Variants in PIP5K1B observed in about 807,000 individuals in gnomAD.
The protein encoded by PIP5K1B is phosphatidylinositol 4-phosphate 5-kinase type-1 beta.
PIP5K1B carries 42 observed loss-of-function variants against 67.0 expected under a neutral mutation model. The ratio of observed to expected loss-of-function variants is 0.63; its 90% confidence interval spans 0.49 to 0.81. The LOEUF is 0.81. Among genes scored for constraint, PIP5K1B ranks in the 30% least tolerant of loss-of-function variants. PIP5K1B has a pLI of 0.00. For synonymous variants in PIP5K1B, 214 were observed against 231.4 expected (o/e 0.92, Z 0.68); for missense variants, 459 against 646.3 (o/e 0.71, Z 3.14).
chr9:68,843,488 G>A (rs1822025285), intron 4 of PIP5K1B, among the ~76,000 whole-genome samples: 1 of 152,200 alleles, frequency 6.6e-6, no homozygotes, highest in Non-Finnish European at 1.5e-5. Flanking sequence ...ATGGGATACA[G>A]ACACAAGTAT....
In PIP5K1B at chr9:68,754,175, C is replaced by CTTTTTTTTTTTTTTTTTTTTTT. The variant is rs71353081; in HGVS notation, c.-86+11530_-86+11531insTTTTTTTTTTTTTTTTTTTTTT. Among the ~76,000 whole-genome samples, 90 of 101,062 alleles carry CTTTTTTTTTTTTTTTTTTTTTT rather than the reference C, an allele frequency of 8.9e-4. 13 individuals carry two copies. The highest frequency in any genetic ancestry group is 1.1e-3 in the Non-Finnish European group (57 of 53,102). The allele number at this position is 101,062 out of a possible 152,430, so 66.3% of individuals were successfully genotyped here. A position where few individuals can be genotyped will look rare whatever the true frequency, so the allele number is the denominator to read the frequency against. On this transcript the variant is annotated intron_variant, in intron 2 of 15. Coordinates refer to ENST00000265382, the MANE Select transcript of PIP5K1B (RefSeq NM_003558.4). ...AGTCTTCTTTTATGTTCCATGATTT[C>CTTTTTTTTTTTTTTTTTTTTTT]TTTTTTTTTTTTGAGACAGAGTCTC...
intron 8 of PIP5K1B, among the ~76,000 whole-genome samples, chr9:68,909,565 T>A (rs1051156597): frequency 6.6e-6 from 1 of 152,250 alleles, no homozygotes; most frequent in African/African-American, 2.4e-5. Flanking sequence ...AAGTTCCTTG[T>A]CACTCTGATT....
chr9:68,718,789 G>A (rs952645898), intron 1 of PIP5K1B, among the ~76,000 whole-genome samples: 1 of 152,088 alleles, frequency 6.6e-6, no homozygotes, highest in Non-Finnish European at 1.5e-5. Context: ...TAAACCAAAT[G>A]GCCCTACTTT....
chr9:68,995,169 AAAG>A (rs1564303117), intron 15 of PIP5K1B, among the ~76,000 whole-genome samples: 1 of 150,470 alleles, frequency 6.6e-6, no homozygotes. Flanking sequence ...AAAAGAAAGA[AAAG>A]AAGGAAAGGA....
At chr9:68,884,818 G>A (rs948449551) in intron 6 of PIP5K1B, among the ~76,000 whole-genome samples, 2 of 152,198 alleles carry the variant, frequency 1.3e-5, no homozygotes, top group Non-Finnish European at 2.9e-5. Context: ...CAAGTGTTTG[G>A]TGAGGATGTG....
intron 7 of PIP5K1B, among the ~76,000 whole-genome samples, chr9:68,892,026 C>T (rs1190926149): frequency 6.6e-6 from 1 of 152,032 alleles, no homozygotes; most frequent in Non-Finnish European, 1.5e-5. Context: ...ATACTTGAAT[C>T]TATAAAAACA....
At chr9:68,888,935 C>T (rs1364586572) in intron 6 of PIP5K1B, 46 bp from the exon 7 acceptor site, 11 of 1,356,566 alleles carry the variant, frequency 8.1e-6, no homozygotes, top group African/African-American at 1.4e-5. Context: ...GGAGGCATCA[C>T]GTACATCAAG....
At chr9:68,806,468 T>C (rs967916649) in intron 2 of PIP5K1B, among the ~76,000 whole-genome samples, 3 of 152,230 alleles carry the variant, frequency 2.0e-5, no homozygotes, top group Non-Finnish European at 4.4e-5. Flanking sequence ...CTTCCCATTT[T>C]ATCTCGCCTT....
chr9:68,987,184 G>A (rs891070148), intron 14 of PIP5K1B, among the ~76,000 whole-genome samples: 5 of 151,790 alleles, frequency 3.3e-5, no homozygotes, highest in East Asian at 1.9e-4. Flanking sequence ...CCCAGGAGGC[G>A]GAGGTTGCAG....
At chr9:68,912,516 G>T (rs1472386338) in intron 8 of PIP5K1B, among the ~76,000 whole-genome samples, 1 of 152,220 alleles carries the variant, frequency 6.6e-6, no homozygotes, top group Non-Finnish European at 1.5e-5. Context: ...ATGAATAGCT[G>T]ACATTAATTG....
chr9:68,858,836 G>T (rs1822912719), intron 4 of PIP5K1B, among the ~76,000 whole-genome samples: 2 of 152,330 alleles, frequency 1.3e-5, no homozygotes, highest in East Asian at 1.9e-4. Context: ...CATATTAAGT[G>T]ACCTAATTTT....
chr9:68,706,702 C>G (rs762006796), intron 1 of PIP5K1B, among the ~76,000 whole-genome samples: 5 of 152,166 alleles, frequency 3.3e-5, no homozygotes, highest in Non-Finnish European at 5.9e-5. Flanking sequence ...GAGGCCCTAG[C>G]TTTAAGGGGA....
chr9:68,820,138 G>A (rs1255357869), intron 3 of PIP5K1B, among the ~76,000 whole-genome samples: 1 of 152,082 alleles, frequency 6.6e-6, no homozygotes, highest in Non-Finnish European at 1.5e-5. Context: ...TCTTAAAAGT[G>A]AAATTACTGG....
At chr9:68,960,082 C>T (rs1367548051) in intron 14 of PIP5K1B, among the ~76,000 whole-genome samples, 1 of 152,134 alleles carries the variant, frequency 6.6e-6, no homozygotes, top group East Asian at 1.9e-4. Context: ...GAGAAAAGGA[C>T]TCATGGGAAG....
intron 2 of PIP5K1B, chr9:68,781,245 A>G (rs958544207): frequency 5.1e-6 from 3 of 587,208 alleles, no homozygotes; most frequent in Admixed American, 3.5e-5. Flanking sequence ...CGTTTCCCCA[A>G]TAAGTGTGTT....
At chr9:68,841,390 T>G (rs1320302186) in intron 4 of PIP5K1B, among the ~76,000 whole-genome samples, 1 of 152,202 alleles carries the variant, frequency 6.6e-6, no homozygotes, top group Non-Finnish European at 1.5e-5. Context: ...TATTATTTCT[T>G]TGGTGTTTAC....
intron 2 of PIP5K1B, among the ~76,000 whole-genome samples, chr9:68,768,907 G>A (rs1830556903): frequency 6.6e-6 from 1 of 152,138 alleles, no homozygotes; most frequent in African/African-American, 2.4e-5. Flanking sequence ...AACCCCTGGT[G>A]CTAATAATAA....
intron 14 of PIP5K1B, among the ~76,000 whole-genome samples, chr9:68,965,309 G>A (rs1828964000): frequency 6.6e-6 from 1 of 152,136 alleles, no homozygotes; most frequent in South Asian, 2.1e-4. Context: ...GGTGAAGATG[G>A]GGGCAGAGGG....
intron 4 of PIP5K1B, among the ~76,000 whole-genome samples, chr9:68,856,676 C>A (rs1355590803): frequency 6.6e-6 from 1 of 152,182 alleles, no homozygotes; most frequent in Non-Finnish European, 1.5e-5. Context: ...TTATGCTTCG[C>A]ACAATGCCTA....
Sources: gnomAD v4.1 joint callset for allele counts (sites outside exome capture counted in the v4.1 genomes callset) on GRCh38, gnomAD v4.1.1 for gene constraint, MANE v1.5 for transcripts, NCBI Gene and HGNC (gene_info 2026-07-23, HGNC 2026-07-21) for gene names.